ZNG1A: variants seen among roughly 807,000 people sequenced by gnomAD.
ZNG1A encodes Zn regulated GTPase metalloprotein activator 1A.
the ZNG1A span, among the ~76,000 whole-genome samples, chr9:158,558 G>T: frequency 6.6e-6 from 1 of 151,058 alleles, no homozygotes; most frequent in East Asian, 1.9e-4. Flanking sequence ...CATGCCTAAA[G>T]GTAACTAATA....
chr9:170,333 A>C, the ZNG1A span, among the ~76,000 whole-genome samples: 1 of 148,620 alleles, frequency 6.7e-6, no homozygotes, highest in Non-Finnish European at 1.5e-5. Context: ...AAATGTACCT[A>C]CTTGTGTGTG....
chr9:127,485 T>C, the ZNG1A span, among the ~76,000 whole-genome samples: 33,415 of 150,386 alleles, frequency 0.22, 2,822 homozygotes, highest in Admixed American at 0.28. Flanking sequence ...TTGTCTAATA[T>C]AAGAATGGCT....
the ZNG1A span, among the ~76,000 whole-genome samples, chr9:157,549 T>C: frequency 2.1e-5 from 3 of 142,680 alleles, no homozygotes; most frequent in African/African-American, 8.0e-5. Context: ...TTAGCTTTCA[T>C]AATAATTATG....
chr9:142,383 G>C, the ZNG1A span, among the ~76,000 whole-genome samples: 2 of 110,394 alleles, frequency 1.8e-5, no homozygotes, highest in African/African-American at 8.9e-5. Context: ...TCAGGATTAA[G>C]AATCTCACTC....
the ZNG1A span, among the ~76,000 whole-genome samples, chr9:131,443 C>T: frequency 6.7e-6 from 1 of 150,172 alleles, no homozygotes; most frequent in East Asian, 1.9e-4. Flanking sequence ...TTTTCTTCAT[C>T]CAGAACACTA....
the ZNG1A span, chr9:177,965 G>A: frequency 1.6e-6 from 1 of 623,322 alleles, no homozygotes; most frequent in South Asian, 2.0e-5. Flanking sequence ...AGTGGCCCAA[G>A]TCTGTACCTG....
the ZNG1A span, among the ~76,000 whole-genome samples, chr9:142,355 G>A: frequency 1.9e-5 from 2 of 107,996 alleles, no homozygotes; most frequent in Non-Finnish European, 3.5e-5. Flanking sequence ...TCAGACCACA[G>A]TACAATCAAA....
the ZNG1A span, among the ~76,000 whole-genome samples, chr9:142,763 T>G: frequency 1.4e-5 from 2 of 145,684 alleles, no homozygotes; most frequent in African/African-American, 5.3e-5. Flanking sequence ...GAGCTGGTTT[T>G]TTGAAAGGAT....
At chr9:131,358 CTTT>C in the ZNG1A span, among the ~76,000 whole-genome samples, 18 of 149,594 alleles carry the variant, frequency 1.2e-4, no homozygotes, top group African/African-American at 4.6e-4. Context: ...TCTGTTTCTT[CTTT>C]AACCCACTGG....
chr9:172,299 C>T, the ZNG1A span: 2 of 1,170,876 alleles, frequency 1.7e-6, no homozygotes, highest in African/African-American at 1.6e-5. Flanking sequence ...AAATTTAACT[C>T]ACTTCTAACC....
the ZNG1A span, chr9:156,575 T>C: frequency 6.3e-7 from 1 of 1,581,798 alleles, no homozygotes; most frequent in Non-Finnish European, 8.6e-7. Flanking sequence ...CAATAAAAAA[T>C]CTAATGTCAA....
At chr9:142,381 A>C in the ZNG1A span, among the ~76,000 whole-genome samples, 1 of 110,824 alleles carries the variant, frequency 9.0e-6, no homozygotes, top group Non-Finnish European at 1.7e-5. Context: ...ACTCAGGATT[A>C]AGAATCTCAC....
At chr9:147,797 T>C in the ZNG1A span, 1 of 146,146 alleles carries the variant, frequency 6.8e-6, no homozygotes, top group Non-Finnish European at 1.5e-5. Flanking sequence ...GAGGCCAAGG[T>C]GGGCGGATCA....
At chr9:122,545 A>G in the ZNG1A span, 1 of 1,030,432 alleles carries the variant, frequency 9.7e-7, no homozygotes, top group Non-Finnish European at 1.2e-6. Context: ...CAATGATGAA[A>G]TAAAGAAAAA....
the ZNG1A span, among the ~76,000 whole-genome samples, chr9:171,063 A>G: frequency 6.6e-6 from 1 of 151,636 alleles, no homozygotes; most frequent in Non-Finnish European, 1.5e-5. Flanking sequence ...TAACACCAAC[A>G]TATTAGTCCA....
chr9:124,948 A>T, the ZNG1A span, among the ~76,000 whole-genome samples: 1 of 152,080 alleles, frequency 6.6e-6, no homozygotes, highest in Non-Finnish European at 1.5e-5. Flanking sequence ...TACTTTATCC[A>T]CGCATTGATT....
At chr9:124,873 A>C in the ZNG1A span, among the ~76,000 whole-genome samples, 1 of 150,200 alleles carries the variant, frequency 6.7e-6, no homozygotes, top group Non-Finnish European at 1.5e-5. Flanking sequence ...GGTCACTGCG[A>C]ATGCCATTAA....
the ZNG1A span, among the ~76,000 whole-genome samples, chr9:159,818 G>C: frequency 6.6e-6 from 1 of 151,984 alleles, no homozygotes; most frequent in African/African-American, 2.4e-5. Context: ...AGCAGCAGCA[G>C]GAACTATTTC....
the ZNG1A span, among the ~76,000 whole-genome samples, chr9:139,803 G>C: frequency 6.6e-6 from 1 of 151,462 alleles, no homozygotes; most frequent in South Asian, 2.1e-4. Flanking sequence ...CAGTGGGTGC[G>C]TGCACCATCC....
Sources: gnomAD v4.1 joint callset for allele counts (sites outside exome capture counted in the v4.1 genomes callset) on GRCh38, gnomAD v4.1.1 for gene constraint, MANE v1.5 for transcripts, NCBI Gene and HGNC (gene_info 2026-07-23, HGNC 2026-07-21) for gene names.